Variants in RHOT1 observed in about 807,000 individuals in gnomAD.
RHOT1 encodes the protein mitochondrial Rho GTPase 1.
A neutral mutation model predicts 95.3 loss-of-function variants in RHOT1; 27 were observed. That is an observed-to-expected ratio of 0.28 (90% CI 0.21 to 0.39). The LOEUF is 0.39. RHOT1 is among the 10% of genes least tolerant of loss of function. The pLI is 1.00. For synonymous variants in RHOT1, 227 were observed against 263.5 expected, an observed-to-expected ratio of 0.86 and a Z score of 1.34; for missense variants, 578 against 786.7, an observed-to-expected ratio of 0.73 and a Z score of 3.17.
At chr17:32,149,635 A>ATATATGTGTGTGTGTGTGTGTGTG (rs1445281403) in intron 1 of RHOT1, among the ~76,000 whole-genome samples, 2 of 59,092 alleles carry the variant, frequency 3.4e-5, no homozygotes, top group African/African-American at 5.4e-5. Flanking sequence ...ATATATATAT[A>ATATATGTGTGTGTGTGTGTGTGTG]TGTGTGTGTG....
At chr17:32,170,416 CAAAAA>C (rs938459442) in intron 1 of RHOT1, among the ~76,000 whole-genome samples, 2 of 148,118 alleles carry the variant, frequency 1.4e-5, no homozygotes, top group African/African-American at 5.0e-5. Flanking sequence ...CTCCATCTCA[CAAAAA>C]AAAAGAGATT....
At chr17:32,216,525 C>T (rs1056956042) in intron 19 of RHOT1, among the ~76,000 whole-genome samples, 8 of 152,078 alleles carry the variant, frequency 5.3e-5, no homozygotes, top group African/African-American at 1.9e-4. Flanking sequence ...TACAGAGACC[C>T]AAAAGTATGA....
chr17:32,208,569 A>G (rs543812865), intron 18 of RHOT1: 2 of 338,748 alleles, frequency 5.9e-6, no homozygotes, highest in South Asian at 6.8e-5. Context: ...ATAAAACACA[A>G]CCCCCCACCC....
intron 14 of RHOT1, among the ~76,000 whole-genome samples, chr17:32,201,641 A>C (rs948067063): frequency 1.3e-5 from 2 of 152,182 alleles, no homozygotes; most frequent in African/African-American, 4.8e-5. Context: ...TATTTAATTC[A>C]ACACCAGAGA....
At chr17:32,149,617 A>ATGTGTG (rs1290539388) in intron 1 of RHOT1, among the ~76,000 whole-genome samples, 40 of 83,650 alleles carry the variant, frequency 4.8e-4, no homozygotes, top group African/African-American at 2.5e-3. Flanking sequence ...ATATATATAT[A>ATGTGTG]TATATATATA....
At chr17:32,178,750 C>T (rs984334608) in intron 6 of RHOT1, among the ~76,000 whole-genome samples, 16 of 150,762 alleles carry the variant, frequency 1.1e-4, no homozygotes, top group Admixed American at 4.0e-4. Flanking sequence ...AGGAGCGCCT[C>T]TGCCTGGCTG....
chr17:32,201,653 T>G (rs1469413411), intron 14 of RHOT1, among the ~76,000 whole-genome samples: 1 of 152,164 alleles, frequency 6.6e-6, no homozygotes, highest in Non-Finnish European at 1.5e-5. Context: ...CACCAGAGAA[T>G]AAGAAAACAG....
At chr17:32,211,801 A>G (rs972353799) in intron 19 of RHOT1, among the ~76,000 whole-genome samples, 2 of 152,208 alleles carry the variant, frequency 1.3e-5, no homozygotes, top group South Asian at 2.1e-4. Context: ...TAAGAACTCA[A>G]AGGAATGTGG....
At chr17:32,193,666 C>A (rs1204956974) in intron 10 of RHOT1, among the ~76,000 whole-genome samples, 1 of 152,140 alleles carries the variant, frequency 6.6e-6, no homozygotes, top group African/African-American at 2.4e-5. Context: ...AGATTGAAAA[C>A]CAGAATTTTC....
intron 17 of RHOT1, 67 bp downstream of exon 17, chr17:32,207,096 G>T: frequency 1.4e-6 from 2 of 1,458,566 alleles, no homozygotes; most frequent in East Asian, 2.4e-5. Context: ...ATTGCAGTGT[G>T]GTGTTTCCTA....
At position 32,171,974 on chromosome 17, in the gene RHOT1, T is replaced by G. The variant is rs181201668; in HGVS notation, c.96+873T>G. 9.1e-4 allele frequency among the ~76,000 whole-genome samples: 139 copies of G among 152,346 alleles called. 1 individual carries two copies. Among genetic ancestry groups the G allele is most frequent in the Middle Eastern group, 3.4e-3 (1 of 294 alleles). On this transcript the variant is annotated intron_variant, in intron 2 of 19. Coordinates refer to ENST00000545287, the MANE Select transcript of RHOT1 (RefSeq NM_001033566.3). ...TGGAAGTTCTAGAGTGAGGAGCTGT[T>G]GGCTAAACTTTGCATAAAGTTAGCA...
At chr17:32,155,411 T>C (rs979627209) in intron 1 of RHOT1, among the ~76,000 whole-genome samples, 5 of 151,980 alleles carry the variant, frequency 3.3e-5, no homozygotes, top group Non-Finnish European at 7.4e-5. Flanking sequence ...CTGCCAGCCT[T>C]GGCCTCCCAA....
chr17:32,161,222 T>C (rs1248735563), intron 1 of RHOT1, among the ~76,000 whole-genome samples: 1 of 152,172 alleles, frequency 6.6e-6, no homozygotes, highest in Admixed American at 6.5e-5. Context: ...GAATGGAGGA[T>C]GTTGATTGGT....
At chr17:32,166,462 G>A (rs981424909) in intron 1 of RHOT1, among the ~76,000 whole-genome samples, 13 of 152,076 alleles carry the variant, frequency 8.5e-5, no homozygotes, top group African/African-American at 1.7e-4. Flanking sequence ...TTGCTGCATC[G>A]ATTGACTCTT....
At chr17:32,191,716 A>C (rs1416830095) in intron 8 of RHOT1, among the ~76,000 whole-genome samples, 5 of 152,214 alleles carry the variant, frequency 3.3e-5, no homozygotes, top group African/African-American at 1.2e-4. Flanking sequence ...TAATTTTGCC[A>C]CTTGTTTGTG....
intron 6 of RHOT1, chr17:32,180,176 A>T (rs2035510192): frequency 6.5e-6 from 1 of 154,072 alleles, no homozygotes; most frequent in Non-Finnish European, 1.4e-5. Context: ...GACCATCGAG[A>T]ACGGGCCATG....
intron 6 of RHOT1, among the ~76,000 whole-genome samples, chr17:32,176,545 TA>T (rs200820908): frequency 0.048 from 4,879 of 101,468 alleles, 232 homozygotes; most frequent in African/African-American, 0.19. Flanking sequence ...GTCTCAGTTT[TA>T]TTTATTTATT....
chr17:32,168,619 T>TTA (rs762261672), intron 1 of RHOT1, among the ~76,000 whole-genome samples: 3 of 148,294 alleles, frequency 2.0e-5, no homozygotes, highest in East Asian at 1.9e-4. Flanking sequence ...TATATAATAT[T>TTA]TATATATATA....
chr17:32,193,101 TTTG>T (rs1440766620), intron 9 of RHOT1, 32 bp from the exon 10 acceptor site: 2 of 1,328,064 alleles, frequency 1.5e-6, no homozygotes, highest in Non-Finnish European at 2.1e-6. Flanking sequence ...TTAACGCTGG[TTTG>T]TTTTTAAATA....
Sources: allele counts gnomAD v4.1 joint callset (sites outside exome capture counted in the v4.1 genomes callset), GRCh38; gene constraint gnomAD v4.1.1; transcripts MANE v1.5; gene names NCBI Gene and HGNC (gene_info 2026-07-23, HGNC 2026-07-21).